ARHGEF3: variants seen among roughly 807,000 people sequenced by gnomAD.
ARHGEF3 encodes 59.8 kDA protein.
In ARHGEF3, 28 loss-of-function variants were observed where a neutral mutation model predicts 63.2. The observed-to-expected ratio is 0.44, with a 90% CI of 0.33 to 0.61. ARHGEF3 has a LOEUF of 0.61. ARHGEF3 is among the 20% of genes least tolerant of loss of function. The probability of loss-of-function intolerance (pLI) is 0.03; values close to 1 mark genes in which losing one functional copy is unlikely to be tolerated. For synonymous variants in ARHGEF3, 266 were observed against 254.2 expected (o/e 1.05, Z -0.44); for missense variants, 533 against 659.3 (o/e 0.81, Z 2.10).
chr3:57,014,904 C>T (rs1387471926), intron 2 of ARHGEF3, among the ~76,000 whole-genome samples: 1 of 152,130 alleles, frequency 6.6e-6, no homozygotes, highest in African/African-American at 2.4e-5. Context: ...CCAGGATGGT[C>T]TCGATCTCCT....
intron 3 of ARHGEF3, among the ~76,000 whole-genome samples, chr3:56,893,635 G>A (rs1256360388): frequency 1.3e-5 from 2 of 151,866 alleles, no homozygotes; most frequent in East Asian, 1.9e-4. Flanking sequence ...GTGAAACCCC[G>A]TCTCTACTAA....
chr3:56,945,624 A>G (rs1578911299), intron 3 of ARHGEF3, among the ~76,000 whole-genome samples: 1 of 152,360 alleles, frequency 6.6e-6, no homozygotes, highest in East Asian at 1.9e-4. Flanking sequence ...TAAACAAAGC[A>G]GCCAGGAAGC....
chr3:56,829,870 G>C (rs1164222586), intron 4 of ARHGEF3, among the ~76,000 whole-genome samples: 1 of 152,176 alleles, frequency 6.6e-6, no homozygotes, highest in African/African-American at 2.4e-5. Context: ...TCCACAGAAT[G>C]TCAGGACTTT....
intron 2 of ARHGEF3, among the ~76,000 whole-genome samples, chr3:57,000,148 T>C (rs2107013422): frequency 6.6e-6 from 1 of 152,288 alleles, no homozygotes; most frequent in Middle Eastern, 3.4e-3. Context: ...TGGTAAGGGC[T>C]CGATAAATGT....
intron 2 of ARHGEF3, among the ~76,000 whole-genome samples, chr3:56,770,186 C>T (rs549501183): frequency 5.9e-5 from 9 of 151,898 alleles, no homozygotes; most frequent in East Asian, 1.9e-4. Context: ...GCTGAGCTGG[C>T]GGATTACCTA....
intron 3 of ARHGEF3, among the ~76,000 whole-genome samples, chr3:56,956,927 G>A (rs2106730894): frequency 6.6e-6 from 1 of 152,300 alleles, no homozygotes; most frequent in East Asian, 1.9e-4. Flanking sequence ...AATGACTTCG[G>A]GAAATGCTAC....
At chr3:56,971,404 T>G (rs755746722) in intron 2 of ARHGEF3, among the ~76,000 whole-genome samples, 2 of 152,050 alleles carry the variant, frequency 1.3e-5, no homozygotes, top group African/African-American at 2.4e-5. Context: ...TAAGCACTTT[T>G]GGAACAAAAA....
At chr3:56,869,845 G>A (rs1270651313) in intron 4 of ARHGEF3, among the ~76,000 whole-genome samples, 1 of 152,180 alleles carries the variant, frequency 6.6e-6, no homozygotes, top group Non-Finnish European at 1.5e-5. Context: ...TTACTTTCTA[G>A]TGACTTCTTA....
intron 2 of ARHGEF3, among the ~76,000 whole-genome samples, chr3:56,994,533 G>A (rs1181998694): frequency 1.3e-5 from 2 of 152,028 alleles, no homozygotes; most frequent in African/African-American, 4.8e-5. Flanking sequence ...CAGCCCTCTT[G>A]GAAAAGGGAT....
chr3:56,806,896 T>C (rs2037880571), upstream of ARHGEF3, among the ~76,000 whole-genome samples: 2 of 152,136 alleles, frequency 1.3e-5, no homozygotes, highest in Admixed American at 6.5e-5. Flanking sequence ...GTTCCTTTTT[T>C]TTTTTTGAGA....
chr3:56,789,032 C>CTGT (rs2036956061), intron 1 of ARHGEF3, among the ~76,000 whole-genome samples: 4 of 133,652 alleles, frequency 3.0e-5, no homozygotes, highest in Admixed American at 2.8e-4. Flanking sequence ...GCTGCTGCTG[C>CTGT]TGCTGCTGCT....
chr3:56,733,773 C>A (rs2033389278), intron 8 of ARHGEF3, among the ~76,000 whole-genome samples: 1 of 151,952 alleles, frequency 6.6e-6, no homozygotes, highest in Non-Finnish European at 1.5e-5. Flanking sequence ...CACCTGAGGT[C>A]AGGAGTTCAA....
chr3:57,040,896 C>A (rs1704158225), intron 1 of ARHGEF3, among the ~76,000 whole-genome samples: 1 of 1,768 alleles, frequency 5.7e-4, no homozygotes, highest in Non-Finnish European at 1.3e-3. Flanking sequence ...CTGCACAGTG[C>A]CCTCCTCTGT....
chr3:56,800,312 A>C (rs1229896496), intron 1 of ARHGEF3, among the ~76,000 whole-genome samples: 2 of 152,244 alleles, frequency 1.3e-5, no homozygotes, highest in Non-Finnish European at 2.9e-5. Context: ...TGATTAAATT[A>C]GGAAGTTCCC....
intron 2 of ARHGEF3, among the ~76,000 whole-genome samples, chr3:57,006,205 A>G (rs1702460867): frequency 6.6e-6 from 1 of 152,202 alleles, no homozygotes; most frequent in African/African-American, 2.4e-5. Flanking sequence ...TATATATAGA[A>G]ACCATCCCAG....
intron 2 of ARHGEF3, among the ~76,000 whole-genome samples, chr3:56,765,292 T>C (rs1054230871): frequency 3.3e-5 from 5 of 152,168 alleles, no homozygotes; most frequent in African/African-American, 1.2e-4. Context: ...TTTCCAGTGA[T>C]AAGCGGAAAA....
intron 2 of ARHGEF3, among the ~76,000 whole-genome samples, chr3:57,009,955 C>G (rs1702615724): frequency 6.6e-6 from 1 of 152,168 alleles, no homozygotes; most frequent in Admixed American, 6.5e-5. Flanking sequence ...AACAGAGGCA[C>G]AGCAAGGCCA....
At chr3:57,042,698 ATATTT>A (rs1212607218) in intron 1 of ARHGEF3, among the ~76,000 whole-genome samples, 2 of 41,422 alleles carry the variant, frequency 4.8e-5, no homozygotes, top group African/African-American at 1.2e-4. Context: ...ATATATATAT[ATATTT>A]TTTTTTTTTT....
intron 4 of ARHGEF3, among the ~76,000 whole-genome samples, chr3:56,808,146 C>T (rs1025564330): frequency 7.9e-5 from 12 of 151,616 alleles, no homozygotes; most frequent in Non-Finnish European, 1.6e-4. Flanking sequence ...AAAAAGTATC[C>T]CCGGATAGTC....
Sources: allele counts gnomAD v4.1 joint callset (sites outside exome capture counted in the v4.1 genomes callset), GRCh38; gene constraint gnomAD v4.1.1; transcripts MANE v1.5; gene names NCBI Gene and HGNC (gene_info 2026-07-23, HGNC 2026-07-21).